Variants in EPM2A observed in about 807,000 individuals in gnomAD.
EPM2A encodes EPM2A glucan phosphatase, laforin.
Under a neutral mutation model 26.5 loss-of-function variants are expected in EPM2A, and 21 were observed. The observed-to-expected ratio is 0.79, with a 90% CI of 0.56 to 1.14. EPM2A has a LOEUF of 1.14. Among genes scored for constraint, EPM2A ranks in the 50% most tolerant of loss-of-function variants. EPM2A has a pLI of 0.00. For synonymous variants in EPM2A, 217 were observed against 177.6 expected (o/e 1.22, Z -1.76); for missense variants, 458 against 440.8 (o/e 1.04, Z -0.35).
intron 2 of EPM2A, among the ~76,000 whole-genome samples, chr6:145,505,152 G>A (rs1482083019): frequency 3.4e-5 from 5 of 145,858 alleles, no homozygotes; most frequent in South Asian, 2.3e-4. Context: ...GCTAGATGAC[G>A]CGTTAGTGGG....
downstream of EPM2A, among the ~76,000 whole-genome samples, chr6:145,624,281 T>A (rs2128554352): frequency 6.6e-6 from 1 of 152,292 alleles, no homozygotes; most frequent in African/African-American, 2.4e-5. Flanking sequence ...AATCTCCCCC[T>A]CTGCTTCTAC....
At chr6:145,536,986 C>T (rs1780440517) in intron 2 of EPM2A, among the ~76,000 whole-genome samples, 1 of 152,056 alleles carries the variant, frequency 6.6e-6, no homozygotes, top group Non-Finnish European at 1.5e-5. Flanking sequence ...AGAAGTGGGG[C>T]ATCCTATGTG....
intron 2 of EPM2A, among the ~76,000 whole-genome samples, chr6:145,652,946 G>C (rs972871858): frequency 3.3e-5 from 5 of 152,150 alleles, no homozygotes; most frequent in African/African-American, 4.8e-5. Flanking sequence ...AGGATTAAAA[G>C]ATATTCCCTT....
chr6:145,600,003 C>A (rs1239689480), intron 2 of EPM2A, among the ~76,000 whole-genome samples: 2 of 152,016 alleles, frequency 1.3e-5, no homozygotes, highest in African/African-American at 2.4e-5. Flanking sequence ...ATTGTATTTT[C>A]TAACATGTCA....
At chr6:145,401,793 T>G (rs1438846488) in intron 4 of EPM2A, among the ~76,000 whole-genome samples, 1 of 152,118 alleles carries the variant, frequency 6.6e-6, no homozygotes, top group Non-Finnish European at 1.5e-5. Context: ...TCATGGCAAG[T>G]CAAAAGGATA....
intron 2 of EPM2A, among the ~76,000 whole-genome samples, chr6:145,670,580 T>G (rs1779570034): frequency 6.6e-6 from 1 of 152,172 alleles, no homozygotes; most frequent in Admixed American, 6.6e-5. Context: ...CTTTAGCTGA[T>G]AGGTTCTAAA....
chr6:145,686,554 T>A (rs1490827226), intron 1 of EPM2A, among the ~76,000 whole-genome samples: 1 of 152,132 alleles, frequency 6.6e-6, no homozygotes, highest in Non-Finnish European at 1.5e-5. Flanking sequence ...CTTTCAGAGC[T>A]TCATGGTACC....
chr6:145,627,578 G>A lies in EPM2A; in HGVS notation c.834C>T (p.Cys278=), dbSNP rs759427349. Residue 278 remains cysteine, a synonymous_variant, in exon 4 of 4, where the codon TGC becomes TGT. Transcript: ENST00000367519. ...AGVGRSTAAV[C]GWLQYVMGWN... ...AGCCCATCACATACTGGAGCCAGCC[G>A]CAGACAGCCGCGGTGGAGCGGCCCA... The A allele has an allele frequency of 6.8e-6, 11 of 1,614,086 alleles. No homozygotes were observed. The highest frequency in any genetic ancestry group is 2.7e-5 in the African/African-American group (2 of 74,936).
intron 2 of EPM2A, among the ~76,000 whole-genome samples, chr6:145,614,057 G>A (rs1775454190): frequency 6.6e-6 from 1 of 152,206 alleles, no homozygotes; most frequent in Non-Finnish European, 1.5e-5. Context: ...AAAATCTGTT[G>A]TTTAGTGTAC....
At chr6:145,592,307 G>A (rs10457787) in intron 2 of EPM2A, among the ~76,000 whole-genome samples, 53,769 of 151,214 alleles carry the variant, frequency 0.36, 10,009 homozygotes, top group South Asian at 0.51. Context: ...GATGGCTTCC[G>A]GCTTCATCCA....
Position 145,605,825 on chromosome 6 carries a change from C to G in EPM2A, c.340+29420G>C, listed in dbSNP as rs554269073. On this transcript the variant is annotated intron_variant, in intron 2 of 3. Transcript: ENST00000450221. ...ATGAAATTAAAAGTCTGCTTTCAGA[C>G]TCAGTAGAAATAATTCAAAAAATGA... is the stretch of plus-strand genomic sequence containing the variant. Among the ~76,000 whole-genome samples, 86 of 152,122 alleles carry G rather than the reference C, an allele frequency of 5.7e-4. 1 individual carries two copies. In the South Asian group the frequency reaches 0.018, roughly 32 times the overall value.
chr6:145,578,107 C>A (rs1781060097), intron 2 of EPM2A, among the ~76,000 whole-genome samples: 1 of 151,398 alleles, frequency 6.6e-6, no homozygotes, highest in African/African-American at 2.4e-5. Context: ...AGTAGAAAGA[C>A]AAAAAAACAA....
chr6:145,531,200 T>C (rs980490088), intron 2 of EPM2A, among the ~76,000 whole-genome samples: 2 of 152,178 alleles, frequency 1.3e-5, no homozygotes, highest in African/African-American at 2.4e-5. Context: ...TGATCATTTG[T>C]GGGCAGGATG....
Position 145,696,460 on chromosome 6 carries a change from T to C in EPM2A, c.302-10164A>G, listed in dbSNP as rs1184917579. 2.0e-5 allele frequency among the ~76,000 whole-genome samples: 3 copies of C among 152,280 alleles called. No homozygotes were observed. The East Asian group carries it at 5.8e-4, about 29-fold the overall frequency. On this transcript the variant is annotated intron_variant, in intron 1 of 3. Coordinates refer to ENST00000367519, the MANE Select transcript of EPM2A (RefSeq NM_005670.4). ...TCTCCACATAAAATAAGTGAAGTGATATGTGTTAATTAGCTTGATTTACTT... is the reference window on the plus strand; with the variant it reads ...TCTCCACATAAAATAAGTGAAGTGACATGTGTTAATTAGCTTGATTTACTT...
intron 2 of EPM2A, among the ~76,000 whole-genome samples, chr6:145,514,430 G>A (rs1034922333): frequency 2.0e-5 from 3 of 152,044 alleles, no homozygotes; most frequent in African/African-American, 7.2e-5. Flanking sequence ...TGAATTCTGA[G>A]GGTACTAGAT....
At chr6:145,601,210 T>A (rs1781412618) in intron 2 of EPM2A, among the ~76,000 whole-genome samples, 1 of 148,784 alleles carries the variant, frequency 6.7e-6, no homozygotes, top group Non-Finnish European at 1.5e-5. Context: ...CCCTGAATAA[T>A]ATAAGGTATA....
chr6:145,454,856 G>A (rs1042659126), intron 4 of EPM2A, among the ~76,000 whole-genome samples: 3 of 151,988 alleles, frequency 2.0e-5, no homozygotes, highest in Admixed American at 1.3e-4. Flanking sequence ...ACATTGCAAC[G>A]GATTGGTATA....
intron 2 of EPM2A, among the ~76,000 whole-genome samples, chr6:145,565,904 G>C (rs1335077161): frequency 6.6e-6 from 1 of 152,164 alleles, no homozygotes. Context: ...GCCCCGTAAA[G>C]CACTGGTGTG....
chr6:145,723,734 AT>A (rs1162245776), intron 1 of EPM2A, among the ~76,000 whole-genome samples: 1 of 152,142 alleles, frequency 6.6e-6, no homozygotes, highest in African/African-American at 2.4e-5. Flanking sequence ...ACTTCAGGGC[AT>A]TTCCAAACCA....
Sources: gnomAD v4.1 joint callset for allele counts (sites outside exome capture counted in the v4.1 genomes callset) on GRCh38, gnomAD v4.1.1 for gene constraint, MANE v1.5 for transcripts, NCBI Gene and HGNC (gene_info 2026-07-23, HGNC 2026-07-21) for gene names.